Variants in ZFHX3 observed in about 807,000 individuals in gnomAD.
ZFHX3 encodes the protein zinc finger homeobox 3, also known as zinc finger homeobox protein 3.
Under a neutral mutation model 279.1 loss-of-function variants are expected in ZFHX3, and 42 were observed. The ratio of observed to expected loss-of-function variants is 0.15; its 90% CI spans 0.12 to 0.19. ZFHX3 has a LOEUF of 0.19. ZFHX3 is among the 10% of genes least tolerant of loss of function. The pLI, the probability that ZFHX3 is intolerant of heterozygous loss-of-function variation, is 1.00. For synonymous variants in ZFHX3, 2,293 were observed against 1,957.8 expected (o/e 1.17, Z -4.52); for missense variants, 4,981 against 4,754.0 (o/e 1.05, Z -1.40).
chr16:73,775,016 G>A (rs2054060974), intron 1 of ZFHX3, among the ~76,000 whole-genome samples: 1 of 151,374 alleles, frequency 6.6e-6, no homozygotes, highest in African/African-American at 2.4e-5. Context: ...TAGCAGCCAT[G>A]GAAATAGTAC....
intron 3 of ZFHX3, among the ~76,000 whole-genome samples, chr16:73,338,362 C>G (rs1443677532): frequency 6.6e-6 from 1 of 152,146 alleles, no homozygotes; most frequent in African/African-American, 2.4e-5. Flanking sequence ...AACCGGGAGG[C>G]TGGGCACATC....
chr16:73,191,052 T>A (rs993712939), intron 5 of ZFHX3, among the ~76,000 whole-genome samples: 7 of 152,234 alleles, frequency 4.6e-5, no homozygotes, highest in Admixed American at 1.3e-4. Flanking sequence ...CCTGCTTTCC[T>A]GGTGGCTGTG....
chr16:73,512,255 C>G (rs1212196395), intron 2 of ZFHX3, among the ~76,000 whole-genome samples: 19 of 131,898 alleles, frequency 1.4e-4, no homozygotes, highest in African/African-American at 5.1e-4. Flanking sequence ...TGGTGAAACC[C>G]TGTCTCCACT....
chr16:73,673,210 G>A (rs571609673), intron 2 of ZFHX3, among the ~76,000 whole-genome samples: 2 of 152,208 alleles, frequency 1.3e-5, no homozygotes, highest in Non-Finnish European at 2.9e-5. Context: ...GTGGGGAGGA[G>A]GATATCAAGA....
intron 2 of ZFHX3, among the ~76,000 whole-genome samples, chr16:73,570,285 T>G (rs1242935325): frequency 2.0e-5 from 3 of 152,356 alleles, no homozygotes; most frequent in Non-Finnish European, 2.9e-5. Context: ...AATGGGTGCT[T>G]GTTTCTGCTT....
At chr16:72,838,743 C>T (rs915710257) in intron 4 of ZFHX3, among the ~76,000 whole-genome samples, 1 of 152,202 alleles carries the variant, frequency 6.6e-6, no homozygotes, top group African/African-American at 2.4e-5. Flanking sequence ...ACGCCTAGAG[C>T]CAGTATTGCA....
chr16:73,696,293 C>G (rs1176184844), intron 1 of ZFHX3, among the ~76,000 whole-genome samples: 1 of 152,114 alleles, frequency 6.6e-6, no homozygotes, highest in Non-Finnish European at 1.5e-5. Context: ...GGTGAGTTCC[C>G]CATAAGATAT....
Position 73,212,163 on chromosome 16 carries a change from G to GA in ZFHX3, c.-1104+44883dup, listed in dbSNP as rs75708613. 4.5e-3 allele frequency among the ~76,000 whole-genome samples: 571 copies of GA among 127,004 alleles called. 8 individuals are homozygous for GA. The highest frequency in any genetic ancestry group is 0.016 in the African/African-American group (484 of 30,824). The allele number at this position is 127,004 out of a possible 152,430, so 83.3% of individuals were successfully genotyped here. A position where few individuals can be genotyped will look rare whatever the true frequency, so the allele number is the denominator to read the frequency against. On this transcript the variant is annotated intron_variant, in intron 5 of 17. Transcript: ENST00000641206. ...TACAGAGAAAACAGATAAGCAAAAA[G>GA]AAAAAAAAAAAAGCACCCATCCTAA...
upstream of ZFHX3, among the ~76,000 whole-genome samples, chr16:73,059,950 G>A (rs1162105969): frequency 2.0e-5 from 3 of 152,090 alleles, no homozygotes; most frequent in South Asian, 2.1e-4. Context: ...CTTCAGGAAA[G>A]ACAAGAAAAG....
At chr16:72,850,363 C>T (rs948963607) in intron 4 of ZFHX3, among the ~76,000 whole-genome samples, 2 of 152,268 alleles carry the variant, frequency 1.3e-5, no homozygotes, top group African/African-American at 4.8e-5. Flanking sequence ...GGACGAACGA[C>T]CATCCCACTG....
intron 3 of ZFHX3, among the ~76,000 whole-genome samples, chr16:72,892,320 T>A (rs2038792256): frequency 6.6e-6 from 1 of 152,168 alleles, no homozygotes; most frequent in African/African-American, 2.4e-5. Context: ...AACAATCCCT[T>A]CTGCCCCCAA....
rs1555514753 is a variant in ZFHX3 at position 72,786,412 on chromosome 16, A to AT, written c.*751dup. 2.1e-5 allele frequency: 3 copies of AT among 145,728 alleles called. No individual in the cohort carries two copies. Among genetic ancestry groups the AT allele is most frequent in the East Asian group, 2.2e-4 (1 of 4,604 alleles). The allele number at this position is 145,728 out of a possible 1,614,324, so 9.0% of individuals were successfully genotyped here. On this transcript the variant is annotated 3_prime_UTR_variant, in exon 10 of 10. Coordinates refer to ENST00000268489, the MANE Select transcript of ZFHX3 (RefSeq NM_006885.4). ...TCAACACTCTTTGTGTGTGTGGGTTATTATTTTTTTTTTTTTTTGAAAGTG... is the reference window on the plus strand; with the variant it reads ...TCAACACTCTTTGTGTGTGTGGGTTATTTATTTTTTTTTTTTTTTGAAAGTG...
At chr16:72,895,615 A>G (rs2038880281) in intron 3 of ZFHX3, among the ~76,000 whole-genome samples, 1 of 152,226 alleles carries the variant, frequency 6.6e-6, no homozygotes, top group Non-Finnish European at 1.5e-5. Context: ...TGAGCTTAGG[A>G]GTTCAAGAGC....
chr16:72,925,913 CAT>C (rs753083217), intron 3 of ZFHX3, among the ~76,000 whole-genome samples: 25 of 152,304 alleles, frequency 1.6e-4, no homozygotes, highest in Middle Eastern at 6.8e-3. Context: ...TTATATAACA[CAT>C]GTCAGTTTCT....
rs535798175 is a variant in ZFHX3, at chr16:73,115,452, G to C, written c.-897+15516C>G. Among the ~76,000 whole-genome samples, 236 of 151,940 alleles carry C rather than the reference G, an allele frequency of 1.6e-3. 1 individual carries two copies. Among genetic ancestry groups the C allele is most frequent in the Non-Finnish European group, 2.4e-3 (166 of 67,962 alleles). ...TAGTCCCAGCTATTTGGGAGACTGA[G>C]GTGGGGAGGATTGCTTGAACCTGGG... is the stretch of plus-strand genomic sequence containing the variant. On this transcript the variant is annotated intron_variant, in intron 7 of 17. Transcript: ENST00000641206.
chr16:73,851,968 T>C (rs758317520), intron 1 of ZFHX3, among the ~76,000 whole-genome samples: 1 of 152,118 alleles, frequency 6.6e-6, no homozygotes, highest in East Asian at 1.9e-4. Context: ...ATCCAGCATA[T>C]CCAAAGCCAT....
chr16:73,266,825 C>A (rs769453695), intron 4 of ZFHX3, among the ~76,000 whole-genome samples: 1 of 152,224 alleles, frequency 6.6e-6, no homozygotes, highest in Non-Finnish European at 1.5e-5. Flanking sequence ...TAAGATAGGG[C>A]TTTCGCCTTC....
In ZFHX3 at chr16:72,959,512, C is replaced by G; in HGVS notation, c.634G>C (p.Asp212His). 1 of 1,614,244 alleles carries G rather than the reference C, an allele frequency of 6.2e-7. No homozygotes were observed. Among genetic ancestry groups the G allele is most frequent in the African/African-American group, 1.3e-5 (1 of 75,066 alleles). ...SSFGKWFEGP[D>H]QAFPNTSALA... ...GCTGAGGTATTCGGGAAAGCCTGGT[C>G]TGGGCCCTCAAACCATTTCCCGAAG... Residue 212 changes from aspartate (D) to histidine (H), a missense_variant, in exon 2 of 10, where the codon GAC becomes CAC. Around this residue, in one of 7 missense-constraint regions of ZFHX3, gnomAD observed 1,068 missense variants for 935.2 expected, o/e 1.14. Transcript: ENST00000268489.
intron 1 of ZFHX3, among the ~76,000 whole-genome samples, chr16:73,837,712 C>T (rs781052397): frequency 6.6e-6 from 1 of 152,208 alleles, no homozygotes; most frequent in Non-Finnish European, 1.5e-5. Context: ...GATCTCGGCT[C>T]ACCACAACAT....
Sources: gnomAD v4.1 joint callset for allele counts (sites outside exome capture counted in the v4.1 genomes callset) on GRCh38, gnomAD v4.1.1 for gene constraint, gnomAD v4.1.1 regional missense constraint, MANE v1.5 for transcripts, NCBI Gene and HGNC (gene_info 2026-07-23, HGNC 2026-07-21) for gene names.